PSAP: variants seen among roughly 807,000 people sequenced by gnomAD.
PSAP encodes the protein prosaposin.
Under a neutral mutation model 66.0 loss-of-function variants are expected in PSAP, and 25 were observed. The ratio of observed to expected loss-of-function variants is 0.38; its 90% CI spans 0.28 to 0.53. The LOEUF is 0.53. Among genes scored for constraint, PSAP ranks in the 20% least tolerant of loss-of-function variants. The pLI is 0.83. For synonymous variants in PSAP, 273 were observed against 258.9 expected (o/e 1.05, Z -0.52); for missense variants, 649 against 668.8 (o/e 0.97, Z 0.33).
chr10:71,846,797 A>T (rs1333414236), intron 1 of PSAP, among the ~76,000 whole-genome samples: 1 of 149,958 alleles, frequency 6.7e-6, no homozygotes, highest in Non-Finnish European at 1.5e-5. Context: ...ACTCTCTTTC[A>T]TTGATCTGAA....
chr10:71,822,706 G>C (rs1842330482), intron 7 of PSAP: 1 of 439,406 alleles, frequency 2.3e-6, no homozygotes, highest in Non-Finnish European at 4.8e-6. Flanking sequence ...TATAGACTCT[G>C]TATATTGTGG....
At chr10:71,819,921 G>T in intron 9 of PSAP, 21 bp from the exon 10 acceptor site, 1 of 1,607,430 alleles carries the variant, frequency 6.2e-7, no homozygotes, top group Non-Finnish European at 8.5e-7. Context: ...CGAGAGGATC[G>T]TGTGAGAAGA....
chr10:71,827,776 A>G (rs1842423926), intron 6 of PSAP, among the ~76,000 whole-genome samples: 1 of 152,064 alleles, frequency 6.6e-6, no homozygotes, highest in African/African-American at 2.4e-5. Flanking sequence ...CAGTGTTCCT[A>G]ATACACAGGG....
rs1280978481 is a variant in PSAP at position 71,817,454 on chromosome 10, T to C, written c.1562A>G (p.His521Arg). The C allele has an allele frequency of 6.2e-7, 1 of 1,614,168 alleles. No homozygotes were observed. ...QCNAVEHCKR[H>R]VWN The stretch of plus-strand genomic sequence containing the variant: ...ATATTCCTCCTCCTAGTTCCACACA[T>C]GGCGTTTGCAATGCTCGACAGCCTG... Residue 521 changes from histidine (H) to arginine (R), a missense_variant, in exon 14 of 14, where the codon CAT becomes CGT. His to Arg is a conservative substitution (Grantham distance 29, BLOSUM62 0). Coordinates refer to ENST00000394936, the MANE Select transcript of PSAP (RefSeq NM_002778.4).
Position 71,831,665 on chromosome 10 carries a change from T to C in PSAP, c.249+181A>G, listed in dbSNP as rs564744913. ...TTTTTACATTTTTAAAAAGAGACTG[T>C]GTGACAGGGACAGTATACGGCTCAT... On this transcript the variant is annotated intron_variant, in intron 3 of 13. Coordinates refer to ENST00000394936, the MANE Select transcript of PSAP (RefSeq NM_002778.4). Among the ~76,000 whole-genome samples, 4 of 152,302 alleles carry C rather than the reference T, an allele frequency of 2.6e-5. No individual in the cohort carries two copies. The East Asian group carries it at 7.7e-4, about 29-fold the overall frequency.
chr10:71,818,751 AAG>A (rs1491048445), intron 12 of PSAP, 27 bp from the exon 13 acceptor site: 3 of 1,577,744 alleles, frequency 1.9e-6, no homozygotes, highest in African/African-American at 2.7e-5. Flanking sequence ...GGAAAGAAGA[AAG>A]GGGGAGAATG....
Position 71,822,799 on chromosome 10 carries a change from T to G in PSAP, c.778-792A>C, listed in dbSNP as rs1029157934. 6 of 332,598 alleles carry G rather than the reference T, an allele frequency of 1.8e-5. No individual in the cohort carries two copies. The East Asian group carries it at 3.9e-4, about 22-fold the overall frequency. 20.6% of individuals were successfully genotyped at this position (332,598 alleles called of 1,614,324 possible). On this transcript the variant is annotated intron_variant, in intron 7 of 13. Coordinates refer to ENST00000394936, the MANE Select transcript of PSAP (RefSeq NM_002778.4). The stretch of plus-strand genomic sequence containing the variant: ...AACCCTAAAGCAGCAGGAACAAAAG[T>G]GCTAAAAACAGGACCTGTTAAGGGA...
chr10:71,847,567 T>C (rs1013770793), intron 1 of PSAP, among the ~76,000 whole-genome samples: 1 of 151,776 alleles, frequency 6.6e-6, no homozygotes, highest in African/African-American at 2.4e-5. Flanking sequence ...CTGTCAGGCT[T>C]CTCCCTTTCG....
rs759355289 is a variant in PSAP at position 71,819,417 on chromosome 10, C to A, written c.1350+48G>T. 3.1e-6 allele frequency: 5 copies of A among 1,609,278 alleles called. No homozygotes were observed. The African/African-American group carries it at 6.7e-5, about 21-fold the overall frequency. ...AATGTACCCCAGCCTTGGCATACTT[C>A]ATCAGGTTCTGCCATGCTGGCCTAC... On this transcript the variant is annotated intron_variant, in intron 11 of 13. Transcript: ENST00000394936.
At chr10:71,822,669 C>T (rs1471824717) in intron 7 of PSAP, 9 of 471,716 alleles carry the variant, frequency 1.9e-5, no homozygotes, top group South Asian at 1.4e-4. Flanking sequence ...GACCATGACA[C>T]TCTGATGGCC....
chr10:71,822,076 C>A (rs890257490), intron 7 of PSAP, 69 bp from the exon 8 acceptor site: 14 of 1,610,174 alleles, frequency 8.7e-6, no homozygotes, highest in Non-Finnish European at 1.2e-5. Flanking sequence ...CCAATCCAGC[C>A]AGAGGACAGG....
At chr10:71,849,977 C>G (rs939974188) in intron 1 of PSAP, among the ~76,000 whole-genome samples, 2 of 152,100 alleles carry the variant, frequency 1.3e-5, no homozygotes, top group Admixed American at 6.6e-5. Flanking sequence ...CATAAACTCT[C>G]ATCAGATGGG....
At chr10:71,822,589 A>G (rs1842326323) in intron 7 of PSAP, 2 of 472,086 alleles carry the variant, frequency 4.2e-6, no homozygotes, top group Non-Finnish European at 8.8e-6. Flanking sequence ...TTAAGCCACA[A>G]GGTCTCCAGA....
chr10:71,835,348 C>T (rs186257700), intron 1 of PSAP, among the ~76,000 whole-genome samples: 68 of 152,128 alleles, frequency 4.5e-4, no homozygotes, highest in African/African-American at 1.5e-3. Flanking sequence ...TTTGAGAGGC[C>T]GAGGTGGGGT....
At position 71,834,440 on chromosome 10, in the gene PSAP, C is replaced by T. The variant is rs1484680476; in HGVS notation, c.106G>A (p.Val36Met). 3 of 1,614,012 alleles carry T rather than the reference C, an allele frequency of 1.9e-6. No individual in the cohort carries two copies. The highest frequency in any genetic ancestry group is 2.2e-5 in the South Asian group (2 of 91,048). ...TRGSAVWCQN[V>M]KTASDCGAVK... ...GCCCCGCAGTCGGACGCCGTCTTCA[C>T]ATTCTGGCACCACACTGCCGAGCCC... The change falls in exon 2 of 14, where the codon GTG becomes ATG. Residue 36 changes from valine to methionine, a missense_variant. Physicochemically the swap from Val to Met is conservative, Grantham distance 21. Coordinates refer to ENST00000394936, the MANE Select transcript of PSAP (RefSeq NM_002778.4).
chr10:71,824,020 A>G, intron 7 of PSAP: 1 of 656,348 alleles, frequency 1.5e-6, no homozygotes, highest in Middle Eastern at 2.9e-4. Context: ...CAAGAGGTTC[A>G]GGGGAAATGC....
intron 8 of PSAP, among the ~76,000 whole-genome samples, 163 bp downstream of exon 8, chr10:71,821,713 T>C (rs1304907994): frequency 6.6e-6 from 1 of 152,150 alleles, no homozygotes; most frequent in Non-Finnish European, 1.5e-5. Context: ...GGGGCTGCAT[T>C]AGTATAGGGG....
intron 5 of PSAP, among the ~76,000 whole-genome samples, chr10:71,828,472 A>T (rs1004885090): frequency 6.6e-6 from 1 of 152,100 alleles, no homozygotes; most frequent in South Asian, 2.1e-4. Flanking sequence ...TCTGAGCAAC[A>T]TGGCAAAACA....
intron 9 of PSAP, 30 bp downstream of exon 9, chr10:71,820,210 G>T (rs765156320): frequency 3.2e-6 from 5 of 1,562,360 alleles, no homozygotes; most frequent in Non-Finnish European, 4.4e-6. Context: ...GGGCAGGAGA[G>T]GCCCTCCCTC....
Sources: allele counts gnomAD v4.1 joint callset (sites outside exome capture counted in the v4.1 genomes callset), GRCh38; gene constraint gnomAD v4.1.1; transcripts MANE v1.5; gene names NCBI Gene and HGNC (gene_info 2026-07-23, HGNC 2026-07-21).